IGF2R: variants seen among roughly 807,000 people sequenced by gnomAD.
The protein encoded by IGF2R is insulin like growth factor 2 receptor.
In IGF2R, 91 loss-of-function variants were observed where a neutral mutation model predicts 270.6. The ratio of observed to expected loss-of-function variants is 0.34; its 90% CI spans 0.28 to 0.40. The LOEUF (loss-of-function observed/expected upper bound fraction) is 0.40, where lower values mean the gene tolerates loss of function less well. IGF2R is among the 10% of genes least tolerant of loss of function. The pLI, the probability that IGF2R is intolerant of heterozygous loss-of-function variation, is 1.00. For synonymous variants in IGF2R, 1,316 were observed against 1,258.9 expected (o/e 1.05, Z -0.96); for missense variants, 2,805 against 3,188.3 (o/e 0.88, Z 2.90).
intron 1 of IGF2R, among the ~76,000 whole-genome samples, chr6:159,986,464 C>T (rs1159522665): frequency 2.1e-5 from 3 of 146,170 alleles, no homozygotes; most frequent in African/African-American, 7.6e-5. Flanking sequence ...TTCAGGGTTT[C>T]ACCATGTTGG....
chr6:160,070,147 T>C, intron 31 of IGF2R, 89 bp downstream of exon 31: 7 of 1,272,706 alleles, frequency 5.5e-6, no homozygotes, highest in Non-Finnish European at 6.7e-6. Context: ...CTCATCTGCC[T>C]TGGGATGCGA....
chr6:160,034,341 A>T, intron 9 of IGF2R, 78 bp from the exon 10 acceptor site: 1 of 894,658 alleles, frequency 1.1e-6, no homozygotes, highest in Non-Finnish European at 1.9e-6. Context: ...AAAAGGCTTA[A>T]TGTAGACATT....
intron 4 of IGF2R, among the ~76,000 whole-genome samples, chr6:160,012,736 C>T (rs2115208606): frequency 7.6e-6 from 1 of 131,524 alleles, no homozygotes. Flanking sequence ...GCCACCATGC[C>T]CGGCTAATTT....
At chr6:160,040,524 G>A (rs376979206) in intron 10 of IGF2R, 36 bp from the exon 11 acceptor site, 21 of 1,601,570 alleles carry the variant, frequency 1.3e-5, no homozygotes, top group Admixed American at 5.0e-5. Flanking sequence ...TTTTGGTCAC[G>A]TATGGAGTTT....
intron 29 of IGF2R, among the ~76,000 whole-genome samples, chr6:160,065,943 A>G (rs1389089805): frequency 2.0e-5 from 3 of 147,276 alleles, no homozygotes; most frequent in African/African-American, 7.5e-5. Context: ...GGTTCAAGCA[A>G]TTCTCCTGTC....
chr6:160,088,508 G>A (rs1193268538), intron 42 of IGF2R, among the ~76,000 whole-genome samples: 11 of 152,180 alleles, frequency 7.2e-5, no homozygotes, highest in African/African-American at 2.7e-4. Context: ...GAGCAGCTGG[G>A]ACCTGCATCT....
chr6:160,074,026 G>C, intron 35 of IGF2R, 51 bp downstream of exon 35: 1 of 1,327,100 alleles, frequency 7.5e-7, no homozygotes, highest in Non-Finnish European at 1.1e-6. Flanking sequence ...GACTTTTAGT[G>C]ATAACCTTTG....
chr6:160,090,281 C>G, intron 44 of IGF2R, 178 bp downstream of exon 44: 2 of 435,678 alleles, frequency 4.6e-6, no homozygotes, highest in East Asian at 3.7e-5. Context: ...CGTGTCAGAA[C>G]TAAGCATTTC....
At chr6:159,970,515 G>C (rs1053972061) in intron 1 of IGF2R, among the ~76,000 whole-genome samples, 1 of 152,132 alleles carries the variant, frequency 6.6e-6, no homozygotes, top group African/African-American at 2.4e-5. Context: ...AGAACATGCA[G>C]AAATTAGTCT....
intron 27 of IGF2R, among the ~76,000 whole-genome samples, 197 bp from the exon 28 acceptor site, chr6:160,064,204 T>C (rs1778505410): frequency 6.6e-6 from 1 of 152,228 alleles, no homozygotes; most frequent in Admixed American, 6.5e-5. Context: ...GTCTGTGACG[T>C]TGCAGCAGCC....
intron 42 of IGF2R, 148 bp from the exon 43 acceptor site, chr6:160,088,959 G>T (rs1779155004): frequency 1.4e-6 from 1 of 704,028 alleles, no homozygotes; most frequent in Non-Finnish European, 2.2e-6. Context: ...CCCGGGGAGT[G>T]GGGGCCTCGG....
chr6:160,057,704 T>G (rs1233520844), intron 20 of IGF2R, among the ~76,000 whole-genome samples: 1 of 152,242 alleles, frequency 6.6e-6, no homozygotes, highest in East Asian at 1.9e-4. Flanking sequence ...TTATTTTCTT[T>G]AAGAAACTAA....
intron 1 of IGF2R, among the ~76,000 whole-genome samples, chr6:159,989,545 C>A (rs73594490): frequency 0.011 from 1,644 of 152,254 alleles, 29 homozygotes; most frequent in African/African-American, 0.038. Context: ...ACTTATTGCC[C>A]CTCCTTTTAG....
Position 160,096,763 on chromosome 6 carries a change from G to A in IGF2R, c.6842+138G>A, listed in dbSNP as rs888136209. ...AAAAAATAGAGAAAATGATAGAAGC[G>A]GACCCCACATAGTCAGTGCCCCGCT... On this transcript the variant is annotated intron_variant, in intron 45 of 47. Transcript: ENST00000356956. The A allele has an allele frequency of 6.0e-5, 44 of 728,892 alleles. 1 individual carries two copies. The highest frequency in any genetic ancestry group is 5.3e-4 in the South Asian group (24 of 45,706). The allele number at this position is 728,892 out of a possible 1,614,324, so 45.2% of individuals were successfully genotyped here.
At chr6:160,101,366 G>A (rs1477548571) in intron 45 of IGF2R, among the ~76,000 whole-genome samples, 2 of 152,210 alleles carry the variant, frequency 1.3e-5, no homozygotes, top group African/African-American at 4.8e-5. Flanking sequence ...GGTCTGCATA[G>A]CTCTCAGACC....
intron 2 of IGF2R, among the ~76,000 whole-genome samples, chr6:159,997,279 T>C (rs533262974): frequency 4.2e-4 from 63 of 148,804 alleles, no homozygotes; most frequent in African/African-American, 1.5e-3. Context: ...GCAGCTCCCC[T>C]GGGTCCAGCC....
intron 1 of IGF2R, among the ~76,000 whole-genome samples, chr6:159,986,548 A>T (rs1383560671): frequency 6.6e-6 from 1 of 151,744 alleles, no homozygotes; most frequent in Non-Finnish European, 1.5e-5. Context: ...GATTACAGGC[A>T]TGTGCCACTG....
At chr6:160,077,694 C>T (rs911999189) in intron 36 of IGF2R, among the ~76,000 whole-genome samples, 1 of 152,200 alleles carries the variant, frequency 6.6e-6, no homozygotes, top group Non-Finnish European at 1.5e-5. Flanking sequence ...ACATTAATTA[C>T]AAATGGAATT....
In IGF2R at chr6:159,969,367, C is replaced by A. The variant is rs1194622706; in HGVS notation, c.121C>A (p.Gln41Lys). The A allele has an allele frequency of 7.8e-7, 1 of 1,288,826 alleles. No individual in the cohort carries two copies. Among genetic ancestry groups the A allele is most frequent in the Admixed American group, 3.4e-5 (1 of 29,726 alleles). 79.8% of individuals were successfully genotyped at this position (1,288,826 alleles called of 1,614,324 possible). ...CGCTGCCCCGGGGTCCACGCAGGCC[C>A]AGGCCGCCCCGTTCCCCGAGCTGTG... Reference protein sequence around the residue: ...LVAAPGSTQAQAAPFPELCSY... With the variant: ...LVAAPGSTQAKAAPFPELCSY... Residue 41 changes from glutamine to lysine, a missense_variant, in exon 1 of 48, where the codon CAG becomes AAG. Coordinates refer to ENST00000356956, the MANE Select transcript of IGF2R (RefSeq NM_000876.4).
Sources: gnomAD v4.1 joint callset for allele counts (sites outside exome capture counted in the v4.1 genomes callset) on GRCh38, gnomAD v4.1.1 for gene constraint, MANE v1.5 for transcripts, NCBI Gene and HGNC (gene_info 2026-07-23, HGNC 2026-07-21) for gene names.